GRID1: variants seen among roughly 807,000 people sequenced by gnomAD.
GRID1 encodes the protein glutamate ionotropic receptor delta type subunit 1.
Under a neutral mutation model 98.0 loss-of-function variants are expected in GRID1, and 28 were observed. The ratio of observed to expected loss-of-function variants is 0.29; its 90% CI spans 0.21 to 0.39. The LOEUF (loss-of-function observed/expected upper bound fraction) is 0.39, where lower values mean the gene tolerates loss of function less well. Ranked by LOEUF, GRID1 falls within the 10% of genes least tolerant of loss-of-function variation. The pLI is 1.00. For missense variants in GRID1, 1,111 were observed against 1,340.5 expected, an observed-to-expected ratio of 0.83 and a Z score of 2.67; for synonymous variants, 553 against 538.5, an observed-to-expected ratio of 1.03 and a Z score of -0.37.
intron 4 of GRID1, among the ~76,000 whole-genome samples, chr10:85,938,797 A>T (rs1200908181): frequency 6.6e-6 from 1 of 152,242 alleles, no homozygotes; most frequent in African/African-American, 2.4e-5. Context: ...GCAGGTAGTC[A>T]TTTAACCTGT....
Position 85,924,639 on chromosome 10 carries a change from A to T in GRID1, c.727-8400T>A, listed in dbSNP as rs531371673. Reference sequence around the variant, plus strand: ...TGAAAGAGAGTTCACTGGAAGAGAGAGTGTTCAGCATTAGACTTTTTTGAC... The same window carrying T: ...TGAAAGAGAGTTCACTGGAAGAGAGTGTGTTCAGCATTAGACTTTTTTGAC... On this transcript the variant is annotated intron_variant, in intron 4 of 15. Coordinates refer to ENST00000327946, the MANE Select transcript of GRID1 (RefSeq NM_017551.3). Among the ~76,000 whole-genome samples the T allele has an allele frequency of 6.6e-5, 10 of 152,358 alleles. No homozygotes were observed. The East Asian group carries it at 1.9e-3, about 29-fold the overall frequency.
intron 4 of GRID1, among the ~76,000 whole-genome samples, chr10:85,936,527 A>G (rs1260209993): frequency 1.3e-5 from 2 of 151,884 alleles, no homozygotes; most frequent in Admixed American, 1.3e-4. Context: ...CTAAAAAAAA[A>G]AAAGAAAAAG....
At chr10:85,672,941 C>T (rs1250766379) in intron 12 of GRID1, among the ~76,000 whole-genome samples, 1 of 152,190 alleles carries the variant, frequency 6.6e-6, no homozygotes, top group African/African-American at 2.4e-5. Context: ...TCTGATGGAT[C>T]TGGGCAAAGT....
At chr10:86,319,165 G>C (rs1307836836) in intron 2 of GRID1, among the ~76,000 whole-genome samples, 2 of 152,170 alleles carry the variant, frequency 1.3e-5, no homozygotes, top group Non-Finnish European at 2.9e-5. Flanking sequence ...GGCACCCAGG[G>C]AGAAAGGGAG....
chr10:86,281,550 G>A (rs562900587), intron 2 of GRID1, among the ~76,000 whole-genome samples: 1 of 152,304 alleles, frequency 6.6e-6, no homozygotes, highest in South Asian at 2.1e-4. Context: ...TCAGCATGGG[G>A]AACTATGGCC....
chr10:85,888,417 G>C (rs1189520820), intron 5 of GRID1, among the ~76,000 whole-genome samples: 1 of 152,236 alleles, frequency 6.6e-6, no homozygotes, highest in Non-Finnish European at 1.5e-5. Flanking sequence ...TTTACAAGGA[G>C]AACCTGGTAT....
chr10:85,711,148 G>T lies in GRID1; in HGVS notation c.1997+11855C>A, dbSNP rs149925232. Among the ~76,000 whole-genome samples the T allele has an allele frequency of 4.0e-3, 611 of 152,050 alleles. 5 individuals are homozygous for T. Among genetic ancestry groups the T allele is most frequent in the Non-Finnish European group, 4.9e-3 (334 of 67,850 alleles). ...GGGTATATACACCGAAGAATTAAAA[G>T]CAGGCATTGAACAGGTATTTGTACA... On this transcript the variant is annotated intron_variant, in intron 12 of 15. Coordinates refer to ENST00000327946, the MANE Select transcript of GRID1 (RefSeq NM_017551.3).
intron 8 of GRID1, among the ~76,000 whole-genome samples, chr10:85,783,974 A>G (rs1341410559): frequency 2.6e-5 from 4 of 152,154 alleles, no homozygotes; most frequent in Non-Finnish European, 5.9e-5. Context: ...CAGGGGGCCC[A>G]GGGCCTTTTA....
chr10:85,942,696 C>G (rs186401101), intron 4 of GRID1, among the ~76,000 whole-genome samples: 1 of 152,284 alleles, frequency 6.6e-6, no homozygotes, highest in East Asian at 1.9e-4. Flanking sequence ...AAATCAATGT[C>G]TCTATTATAG....
chr10:85,920,132 T>G (rs78694768), intron 4 of GRID1, among the ~76,000 whole-genome samples: 288 of 152,320 alleles, frequency 1.9e-3, no homozygotes, highest in African/African-American at 6.6e-3. Context: ...TTTGGCTTCC[T>G]TTATGTTCCT....
At chr10:86,045,789 G>T (rs960704228) in intron 4 of GRID1, among the ~76,000 whole-genome samples, 6 of 152,206 alleles carry the variant, frequency 3.9e-5, no homozygotes, top group African/African-American at 1.4e-4. Flanking sequence ...GAAGGCCGTT[G>T]TTATGGTTGG....
intron 4 of GRID1, among the ~76,000 whole-genome samples, chr10:86,083,704 G>A (rs527849986): frequency 1.2e-4 from 19 of 152,184 alleles, no homozygotes; most frequent in Admixed American, 3.3e-4. Context: ...TCCCTAGGAA[G>A]AAGAATGATA....
intron 5 of GRID1, among the ~76,000 whole-genome samples, chr10:85,891,428 T>C (rs1302137049): frequency 6.6e-6 from 1 of 152,116 alleles, no homozygotes; most frequent in Non-Finnish European, 1.5e-5. Flanking sequence ...AAACATACAT[T>C]CAGAAGGAAA....
chr10:85,932,868 A>C (rs918284823), intron 4 of GRID1, among the ~76,000 whole-genome samples: 3 of 152,210 alleles, frequency 2.0e-5, no homozygotes, highest in African/African-American at 7.2e-5. Context: ...ATCGGCAGCA[A>C]AACAAAATAA....
chr10:85,650,244 A>C (rs1564689030), intron 12 of GRID1: 1 of 152,258 alleles, frequency 6.6e-6, no homozygotes, highest in African/African-American at 2.4e-5. Context: ...CAGATGTTGA[A>C]GTCAGATAGG....
At chr10:85,612,909 C>G (rs1157698792) in intron 15 of GRID1, 1 of 153,334 alleles carries the variant, frequency 6.5e-6, no homozygotes, top group Non-Finnish European at 1.4e-5. Flanking sequence ...GGGACAGGGG[C>G]AAGGCTGGGC....
intron 8 of GRID1, among the ~76,000 whole-genome samples, chr10:85,792,255 G>A (rs1026940349): frequency 1.3e-5 from 2 of 152,118 alleles, no homozygotes; most frequent in African/African-American, 2.4e-5. Flanking sequence ...GGCAGCAGTC[G>A]CAGCCACAGC....
intron 4 of GRID1, among the ~76,000 whole-genome samples, chr10:86,060,050 G>C (rs1030609837): frequency 6.6e-6 from 1 of 152,148 alleles, no homozygotes. Context: ...TCAATGCTAC[G>C]CACAGTGGCT....
intron 3 of GRID1, among the ~76,000 whole-genome samples, chr10:86,177,823 G>A (rs921215381): frequency 1.3e-5 from 2 of 152,062 alleles, no homozygotes; most frequent in African/African-American, 4.8e-5. Flanking sequence ...GTATGCACGC[G>A]TGTGTGCACG....
Sources: allele counts gnomAD v4.1 joint callset (sites outside exome capture counted in the v4.1 genomes callset), GRCh38; gene constraint gnomAD v4.1.1; transcripts MANE v1.5; gene names NCBI Gene and HGNC (gene_info 2026-07-23, HGNC 2026-07-21).